The following CSMD2 variants were observed in gnomAD, a reference collection of about 807,000 sequenced individuals.
The protein encoded by CSMD2 is CUB and sushi domain-containing protein 2.
Under a neutral mutation model 398.5 loss-of-function variants are expected in CSMD2, and 130 were observed. That is an observed-to-expected ratio of 0.33 (90% CI 0.28 to 0.38). CSMD2 has a LOEUF of 0.38. Ranked by LOEUF, CSMD2 falls within the 10% of genes least tolerant of loss-of-function variation. The probability of loss-of-function intolerance (pLI) is 1.00; values close to 1 mark genes in which losing one functional copy is unlikely to be tolerated. For missense variants in CSMD2, 3,829 were observed against 4,764.9 expected, an observed-to-expected ratio of 0.80 and a Z score of 5.78; for synonymous variants, 1,828 against 1,908.5, an observed-to-expected ratio of 0.96 and a Z score of 1.10.
chr1:33,519,703 C>T lies in CSMD2; in HGVS notation c.10737-26G>A, dbSNP rs898637308. ...CTGGCGATAAAAGAGGAAGTGCCCA[C>T]GGCATGAAAAGAGCGACACAGAGAG... On this transcript the variant is annotated intron_variant, in intron 69 of 70. Transcript: ENST00000373381. The surrounding 1 kb of genome is among the most constrained non-coding windows in gnomAD (Gnocchi z 5.6). 1.5e-5 allele frequency: 25 copies of T among 1,613,716 alleles called. No homozygotes were observed. The highest frequency in any genetic ancestry group is 4.4e-5 in the South Asian group (4 of 91,044).
At chr1:33,954,303 C>A (rs1645097078) in intron 3 of CSMD2, among the ~76,000 whole-genome samples, 1 of 151,926 alleles carries the variant, frequency 6.6e-6, no homozygotes, top group Non-Finnish European at 1.5e-5. Flanking sequence ...GACTGCCTTC[C>A]ACAGCTGATT....
chr1:33,927,574 C>T lies in CSMD2; in HGVS notation c.712+8186G>A, dbSNP rs920785007. Among the ~76,000 whole-genome samples, 10 of 152,226 alleles carry T rather than the reference C, an allele frequency of 6.6e-5. 1 individual carries two copies. In the South Asian group the frequency reaches 1.0e-3, roughly 16 times the overall value. The stretch of plus-strand genomic sequence containing the variant: ...TGAGTTTTTAAGACTTCCTTGTGGT[C>T]ACATAGCTACTAAATGTTGGAGCTA... On this transcript the variant is annotated intron_variant, in intron 4 of 70. Coordinates refer to ENST00000373381, the MANE Select transcript of CSMD2 (RefSeq NM_001281956.2).
intron 4 of CSMD2, among the ~76,000 whole-genome samples, chr1:33,924,657 A>G (rs1266055058): frequency 6.6e-6 from 1 of 152,174 alleles, no homozygotes; most frequent in African/African-American, 2.4e-5. Flanking sequence ...ATTCCCACCA[A>G]CAAAGTATAA....
At chr1:34,041,588 CT>C (rs1235407894) in intron 2 of CSMD2, among the ~76,000 whole-genome samples, 1 of 152,206 alleles carries the variant, frequency 6.6e-6, no homozygotes, top group Non-Finnish European at 1.5e-5. Flanking sequence ...CAACTACTCA[CT>C]TCCTCAGGCT....
chr1:33,825,322 A>G (rs1658670528), intron 7 of CSMD2, among the ~76,000 whole-genome samples: 1 of 152,198 alleles, frequency 6.6e-6, no homozygotes, highest in East Asian at 1.9e-4. Flanking sequence ...ACAGCCCCCA[A>G]GATCCCAGCC....
rs898376433 is a variant in CSMD2 at position 34,164,613 on chromosome 1, T to G, written c.187+298A>C. Among the ~76,000 whole-genome samples the G allele has an allele frequency of 2.0e-5, 3 of 151,880 alleles. No homozygotes were observed. Among genetic ancestry groups the G allele is most frequent in the Non-Finnish European group, 4.4e-5 (3 of 67,966 alleles). On this transcript the variant is annotated intron_variant, in intron 1 of 70. Coordinates refer to ENST00000373381, the MANE Select transcript of CSMD2 (RefSeq NM_001281956.2). This position sits in a 1 kb window ranked among gnomAD's most constrained non-coding sequence, Gnocchi z 6.2. The stretch of plus-strand genomic sequence containing the variant: ...GGAGAAACTGAAGCCACAGACCAGG[T>G]GCCCCGCAACCCCGGGCGGGGATGT...
chr1:34,079,745 A>C (rs1279913666), intron 2 of CSMD2, among the ~76,000 whole-genome samples: 4 of 152,180 alleles, frequency 2.6e-5, no homozygotes, highest in Admixed American at 1.3e-4. Context: ...ATACAGCTTA[A>C]AACATGTTCT....
At chr1:33,969,454 T>C (rs191526045) in intron 3 of CSMD2, among the ~76,000 whole-genome samples, 2 of 152,306 alleles carry the variant, frequency 1.3e-5, no homozygotes, top group South Asian at 2.1e-4. Flanking sequence ...GATGGATAGA[T>C]AGACAGATAG....
chr1:33,955,912 T>C (rs9425892), intron 3 of CSMD2, among the ~76,000 whole-genome samples: 7,081 of 152,228 alleles, frequency 0.047, 266 homozygotes, highest in East Asian at 0.14. Flanking sequence ...TGTCCTCCTA[T>C]GGTGGCCACA....
In CSMD2 at chr1:34,163,491, G is replaced by A. The variant is rs567945373; in HGVS notation, c.187+1420C>T. Reference sequence around the variant, plus strand: ...GCCGCGGTTAAGCGGTGGGCGACACGGTCTGCGAGGACAGACTCACAAGAC... The same window carrying A: ...GCCGCGGTTAAGCGGTGGGCGACACAGTCTGCGAGGACAGACTCACAAGAC... On this transcript the variant is annotated intron_variant, in intron 1 of 70. Coordinates refer to ENST00000373381, the MANE Select transcript of CSMD2 (RefSeq NM_001281956.2). This position sits in a 1 kb window ranked among gnomAD's most constrained non-coding sequence, Gnocchi z 5.4. 3.3e-5 allele frequency among the ~76,000 whole-genome samples: 5 copies of A among 152,204 alleles called. No homozygotes were observed. The highest frequency in any genetic ancestry group is 1.2e-4 in the African/African-American group (5 of 41,534).
At chr1:34,081,880 G>GC (rs1233170244) in intron 2 of CSMD2, among the ~76,000 whole-genome samples, 2 of 151,386 alleles carry the variant, frequency 1.3e-5, no homozygotes, top group African/African-American at 4.9e-5. Context: ...GATGTGAGGA[G>GC]CCCCTCTGCC....
In CSMD2 at chr1:33,625,036, G is replaced by A; in HGVS notation, c.5500+15C>T. The A allele has an allele frequency of 6.2e-7, 1 of 1,613,416 alleles. No individual in the cohort carries two copies. Among genetic ancestry groups the A allele is most frequent in the Non-Finnish European group, 8.5e-7 (1 of 1,179,570 alleles). On this transcript the variant is annotated intron_variant, in intron 34 of 70. Transcript: ENST00000373381. ...CGCCCCCCGCACCCTCAACGCCCGG[G>A]TCCTGGTTACTCACCCACACACGTG...
chr1:33,541,148 T>C lies in CSMD2; in HGVS notation c.9439A>G (p.Thr3147Ala). Residue 3147 changes from threonine (T) to alanine (A), a missense_variant, in exon 59 of 71, where the codon ACC (threonine) becomes GCC (alanine). Coordinates refer to ENST00000373381, the MANE Select transcript of CSMD2 (RefSeq NM_001281956.2). The stretch of plus-strand genomic sequence containing the variant: ...GACACACCTTTGCAGACGGGCTTGG[T>C]TCCATTCCATGTCCGGTCCTTGGTG... The part of the protein sequence containing the change: ...SCTKDRTWNG[T>A]KPVCKALMCK... The C allele has an allele frequency of 6.2e-7, 1 of 1,614,090 alleles. No homozygotes were observed. The highest frequency in any genetic ancestry group is 1.1e-5 in the South Asian group (1 of 91,052).
At position 34,033,027 on chromosome 1, in the gene CSMD2, T is replaced by C. The variant is rs78725846; in HGVS notation, c.405-321A>G. Reference sequence around the variant, plus strand: ...GGCTGAGGTCCTGTGAGGCTCTGGGTATAATTCCCCATGAGTTTACAACTA... The same window carrying C: ...GGCTGAGGTCCTGTGAGGCTCTGGGCATAATTCCCCATGAGTTTACAACTA... On this transcript the variant is annotated intron_variant, in intron 2 of 70. Coordinates refer to ENST00000373381, the MANE Select transcript of CSMD2 (RefSeq NM_001281956.2). 4.8e-3 allele frequency among the ~76,000 whole-genome samples: 733 copies of C among 152,346 alleles called. 5 individuals carry two copies. Among genetic ancestry groups the C allele is most frequent in the Non-Finnish European group, 8.2e-3 (561 of 68,034 alleles).
chr1:33,980,976 A>T (rs1327910962), intron 3 of CSMD2, among the ~76,000 whole-genome samples: 4 of 152,140 alleles, frequency 2.6e-5, no homozygotes, highest in African/African-American at 9.7e-5. Context: ...AACATGGTGG[A>T]GCATGGGAGG....
chr1:33,700,201 G>A (rs1308389888), intron 23 of CSMD2, among the ~76,000 whole-genome samples: 3 of 152,080 alleles, frequency 2.0e-5, no homozygotes, highest in Non-Finnish European at 2.9e-5. Flanking sequence ...TAGAGATGGG[G>A]TTTCACCATC....
At chr1:33,849,842 T>G (rs1455974094) in intron 5 of CSMD2, among the ~76,000 whole-genome samples, 1 of 152,058 alleles carries the variant, frequency 6.6e-6, no homozygotes, top group East Asian at 1.9e-4. Context: ...GTAATTTTAT[T>G]TTATGTAAAC....
rs370880733 is a variant in CSMD2 at position 33,537,391 on chromosome 1, C to T, written c.9805+45G>A. The T allele has an allele frequency of 4.1e-5, 64 of 1,568,688 alleles. No individual in the cohort carries two copies. Among genetic ancestry groups the T allele is most frequent in the Admixed American group, 2.0e-4 (11 of 54,768 alleles). On this transcript the variant is annotated intron_variant, in intron 61 of 70. Transcript: ENST00000373381. This position sits in a 1 kb window ranked among gnomAD's most constrained non-coding sequence, Gnocchi z 4.6. The stretch of plus-strand genomic sequence containing the variant: ...CATCTCAGGCCCAAAAGAAGGTCTC[C>T]CGCAACCCCAGCCAAGACGCTCCCT...
Position 33,918,240 on chromosome 1 carries a change from G to T in CSMD2, c.774C>A (p.Phe258Leu), listed in dbSNP as rs201021410. 1.2e-6 allele frequency: 2 copies of T among 1,614,060 alleles called. No individual in the cohort carries two copies. Among genetic ancestry groups the T allele is most frequent in the Non-Finnish European group, 1.7e-6 (2 of 1,180,054 alleles). Reference protein sequence around the residue: ...GQSGIISSPHFPSEYHNNADC... With the variant: ...GQSGIISSPHLPSEYHNNADC... ...CGGCATTGTTATGGTACTCCGAGGG[G>T]AAGTGGGGGCTGGAGATGATGCCAC... Residue 258 changes from phenylalanine to leucine, a missense_variant, in exon 5 of 71, where the codon TTC becomes TTA. Physicochemically the swap from Phe to Leu is conservative, Grantham distance 22. Around this residue, in one of 5 missense-constraint regions of CSMD2, gnomAD observed 2,001 missense variants for 2,567.1 expected, o/e 0.78. Coordinates refer to ENST00000373381, the MANE Select transcript of CSMD2 (RefSeq NM_001281956.2).
Sources: gnomAD v4.1 joint callset for allele counts (sites outside exome capture counted in the v4.1 genomes callset) on GRCh38, gnomAD v4.1.1 for gene constraint, gnomAD v4.1.1 regional missense constraint, Gnocchi (gnomAD v3.1) non-coding constraint, MANE v1.5 for transcripts, NCBI Gene and HGNC (gene_info 2026-07-23, HGNC 2026-07-21) for gene names.